Variants in SLC39A8 observed in about 807,000 individuals in gnomAD.
SLC39A8 encodes the protein solute carrier family 39 member 8, also known as metal cation symporter ZIP8.
Under a neutral mutation model 40.4 loss-of-function variants are expected in SLC39A8, and 15 were observed. The ratio of observed to expected loss-of-function variants is 0.37; its 90% CI spans 0.25 to 0.57. The LOEUF (loss-of-function observed/expected upper bound fraction) is 0.57. Among genes scored for constraint, SLC39A8 ranks in the 20% least tolerant of loss-of-function variants. The pLI is 0.75. For synonymous variants in SLC39A8, 223 were observed against 221.6 expected (o/e 1.01, Z -0.06); for missense variants, 472 against 558.8 (o/e 0.84, Z 1.57).
At chr4:102,258,012 CA>C (rs1487401922), downstream of SLC39A8, among the ~76,000 whole-genome samples, 1 of 152,154 alleles carries the variant, frequency 6.6e-6, no homozygotes, top group Non-Finnish European at 1.5e-5. Context: ...CATCCCTGAG[CA>C]TGGGGTTCCT....
chr4:102,291,002 C>A (rs1204408818), intron 6 of SLC39A8, among the ~76,000 whole-genome samples: 1 of 152,026 alleles, frequency 6.6e-6, no homozygotes, highest in Non-Finnish European at 1.5e-5. Context: ...CCATGACTTC[C>A]ATTCTCTTTT....
intron 2 of SLC39A8, among the ~76,000 whole-genome samples, chr4:102,322,572 T>C (rs1169364437): frequency 6.6e-6 from 1 of 152,192 alleles, no homozygotes; most frequent in Non-Finnish European, 1.5e-5. Flanking sequence ...GTCTGCTTGG[T>C]TGTCTTATCA....
Position 102,315,812 on chromosome 4 carries a change from T to C in SLC39A8, c.238A>G (p.Ile80Val). Residue 80 changes from isoleucine (I) to valine (V), a missense_variant, in exon 3 of 9, where the codon ATC becomes GTC. Physicochemically the swap from Ile to Val is conservative, Grantham distance 29 (BLOSUM62 3). This residue lies in a region of SLC39A8 where 175 missense variants were observed against 160.5 expected (regional missense o/e 1.09). Transcript: ENST00000356736. ...TTTGAAAAGCCATGAAGGGAAAAGA[T>C]CTCTTCAGCAGTTAAACACTGAAAT... ...HFNQCLTAEE[I>V]FSLHGFSNAT... 1.7e-5 allele frequency: 27 copies of C among 1,612,032 alleles called. No homozygotes were observed. Among genetic ancestry groups the C allele is most frequent in the Non-Finnish European group, 2.3e-5 (27 of 1,179,096 alleles).
At chr4:102,269,706 A>G (rs1309171100) in intron 6 of SLC39A8, 4 of 152,246 alleles carry the variant, frequency 2.6e-5, no homozygotes, top group Admixed American at 6.5e-5. Context: ...TACTACACAC[A>G]TATCGGGGAT....
chr4:102,321,192 A>T (rs1303431287), intron 2 of SLC39A8, among the ~76,000 whole-genome samples: 1 of 152,212 alleles, frequency 6.6e-6, no homozygotes, highest in African/African-American at 2.4e-5. Flanking sequence ...CACAAAAAAC[A>T]TAATAATAAA....
intron 2 of SLC39A8, among the ~76,000 whole-genome samples, chr4:102,326,510 G>C (rs571245368): frequency 1.3e-5 from 2 of 152,138 alleles, no homozygotes; most frequent in African/African-American, 4.8e-5. Context: ...GCAGTGAGCC[G>C]AGATCGCGCC....
intron 2 of SLC39A8, among the ~76,000 whole-genome samples, chr4:102,340,717 T>C (rs1735902258): frequency 6.6e-6 from 1 of 152,210 alleles, no homozygotes; most frequent in Non-Finnish European, 1.5e-5. Flanking sequence ...AAATGTCTGC[T>C]GAACACAGGA....
At position 102,304,226 on chromosome 4, in the gene SLC39A8, T is replaced by C. The variant is rs2149032859; in HGVS notation, c.840+91A>G. On this transcript the variant is annotated intron_variant, in intron 6 of 8. Transcript: ENST00000356736. ...TAGGAATAAGTCTGACATACATAAA[T>C]GTACAAAAACTGACTTAGCTGCATA... The C allele has an allele frequency of 4.2e-6, 4 of 948,044 alleles. No homozygotes were observed. The East Asian group carries it at 7.9e-5, about 19-fold the overall frequency. 58.7% of individuals were successfully genotyped at this position (948,044 alleles called of 1,614,324 possible).
intron 2 of SLC39A8, among the ~76,000 whole-genome samples, chr4:102,325,611 T>C (rs1044349983): frequency 2.0e-5 from 3 of 152,200 alleles, no homozygotes; most frequent in Non-Finnish European, 4.4e-5. Flanking sequence ...TAAATAAGGA[T>C]AAATCTGTGC....
intron 2 of SLC39A8, among the ~76,000 whole-genome samples, chr4:102,322,019 T>C (rs1397403348): frequency 6.6e-6 from 1 of 152,130 alleles, no homozygotes; most frequent in Non-Finnish European, 1.5e-5. Flanking sequence ...GGTTTTTGCC[T>C]TCCTGGAATG....
exon 12 of SLC39A8, chr4:102,251,117 T>C (rs1303992740): frequency 1.3e-5 from 2 of 152,216 alleles, no homozygotes; most frequent in African/African-American, 4.8e-5. Flanking sequence ...GTTATACATA[T>C]AATGTATGTA....
intron 8 of SLC39A8, among the ~76,000 whole-genome samples, chr4:102,265,076 G>A (rs1732041516): frequency 6.6e-6 from 1 of 151,974 alleles, no homozygotes. Context: ...TCCTTTCTTT[G>A]CAGTCACAAC....
rs1337757956 is a variant in SLC39A8 at position 102,262,083 on chromosome 4, T to G, written c.*961A>C. The stretch of plus-strand genomic sequence containing the variant: ...CTCGATCACACATAAGGAACATATG[T>G]TTTCCAGTTAATCTGTCCTTGATGT... On this transcript the variant is annotated 3_prime_UTR_variant, in exon 9 of 9. Coordinates refer to ENST00000356736, the MANE Select transcript of SLC39A8 (RefSeq NM_001135146.2). The G allele has an allele frequency of 3.0e-6, 3 of 985,898 alleles. No individual in the cohort carries two copies. The East Asian group carries it at 3.3e-4, about 110-fold the overall frequency. The allele number at this position is 985,898 out of a possible 1,614,324, so 61.1% of individuals were successfully genotyped here. A position where few individuals can be genotyped will look rare whatever the true frequency, so the allele number is the denominator to read the frequency against.
At chr4:102,312,930 G>C (rs960807126) in intron 3 of SLC39A8, among the ~76,000 whole-genome samples, 1 of 152,210 alleles carries the variant, frequency 6.6e-6, no homozygotes, top group Admixed American at 6.5e-5. Flanking sequence ...TATTAGTCAA[G>C]GGTAGTATCC....
intron 2 of SLC39A8, among the ~76,000 whole-genome samples, chr4:102,332,248 A>T (rs889823893): frequency 6.6e-6 from 1 of 152,246 alleles, no homozygotes; most frequent in Admixed American, 6.5e-5. Context: ...AATGGGTGAA[A>T]ATTTCGTAAT....
At chr4:102,290,092 T>C (rs946415131) in intron 6 of SLC39A8, among the ~76,000 whole-genome samples, 4 of 149,450 alleles carry the variant, frequency 2.7e-5, no homozygotes, top group African/African-American at 1.0e-4. Flanking sequence ...CCACAGTCAC[T>C]CCAAACTTCA....
At chr4:102,267,450 AT>A in intron 8 of SLC39A8, 39 bp downstream of exon 8, 1 of 1,535,090 alleles carries the variant, frequency 6.5e-7, no homozygotes, top group Non-Finnish European at 8.7e-7. Context: ...TCATTTCCAA[AT>A]TTTAAATTAA....
chr4:102,316,942 T>C (rs907020352), intron 2 of SLC39A8, among the ~76,000 whole-genome samples: 7 of 152,170 alleles, frequency 4.6e-5, no homozygotes, highest in Admixed American at 2.0e-4. Flanking sequence ...CTCTGCTATA[T>C]GAGGAAGCGA....
chr4:102,299,881 C>G (rs1353713295), intron 6 of SLC39A8, among the ~76,000 whole-genome samples: 1 of 152,024 alleles, frequency 6.6e-6, no homozygotes, highest in Non-Finnish European at 1.5e-5. Context: ...CCTCAGCAAT[C>G]AACATCCAAC....
Sources: allele counts gnomAD v4.1 joint callset (sites outside exome capture counted in the v4.1 genomes callset), GRCh38; gene constraint gnomAD v4.1.1; regional missense constraint gnomAD v4.1.1; transcripts MANE v1.5; gene names NCBI Gene and HGNC (gene_info 2026-07-23, HGNC 2026-07-21).